Variants in PDE4D observed in about 807,000 individuals in gnomAD.
PDE4D encodes the protein phosphodiesterase 4D, also known as 3',5'-cyclic-AMP phosphodiesterase 4D.
PDE4D carries 24 observed loss-of-function variants against 87.4 expected under a neutral mutation model. The ratio of observed to expected loss-of-function variants is 0.27; its 90% CI spans 0.20 to 0.39. The LOEUF is 0.39. PDE4D is among the 10% of genes least tolerant of loss of function. The pLI, the probability that PDE4D is intolerant of heterozygous loss-of-function variation, is 1.00. For missense variants in PDE4D, 714 were observed against 1,041.0 expected (o/e 0.69, Z 4.32); for synonymous variants, 384 against 383.2 (o/e 1.00, Z -0.02).
intron 1 of PDE4D, among the ~76,000 whole-genome samples, chr5:59,478,136 G>A (rs1803638421): frequency 6.6e-6 from 1 of 151,886 alleles, no homozygotes; most frequent in East Asian, 1.9e-4. Flanking sequence ...CCAAATCTCA[G>A]CATCATACAA....
intron 1 of PDE4D, among the ~76,000 whole-genome samples, chr5:59,796,578 C>T (rs1766503247): frequency 1.3e-5 from 2 of 152,202 alleles, no homozygotes. Context: ...CACACAGTGA[C>T]TATTAACTGG....
intron 1 of PDE4D, among the ~76,000 whole-genome samples, chr5:60,277,439 G>A (rs1751486310): frequency 6.6e-6 from 1 of 152,090 alleles, no homozygotes; most frequent in South Asian, 2.1e-4. Flanking sequence ...ACCAGCATTT[G>A]CATTTCTTTA....
At chr5:60,509,753 C>T (rs1228808297) in intron 1 of PDE4D, among the ~76,000 whole-genome samples, 1 of 152,146 alleles carries the variant, frequency 6.6e-6, no homozygotes, top group African/African-American at 2.4e-5. Context: ...CCTGCTCCAC[C>T]CCTTTCTTTT....
chr5:59,326,227 C>A (rs1581969015), intron 1 of PDE4D, among the ~76,000 whole-genome samples: 1 of 151,698 alleles, frequency 6.6e-6, no homozygotes, highest in African/African-American at 2.4e-5. Flanking sequence ...TGTAACAAAC[C>A]TGCACGTTGT....
chr5:59,213,548 G>A (rs1226580919), intron 2 of PDE4D, among the ~76,000 whole-genome samples: 1 of 152,032 alleles, frequency 6.6e-6, no homozygotes, highest in East Asian at 1.9e-4. Context: ...CCTTCCCTCA[G>A]CTCAAGTAAC....
intron 1 of PDE4D, among the ~76,000 whole-genome samples, chr5:60,313,653 A>G (rs1193169970): frequency 6.6e-6 from 1 of 152,224 alleles, no homozygotes; most frequent in Admixed American, 6.5e-5. Flanking sequence ...TCAGGCCAAT[A>G]TCCTTGATGA....
At chr5:60,277,394 G>A (rs1329164263) in intron 1 of PDE4D, among the ~76,000 whole-genome samples, 2 of 152,172 alleles carry the variant, frequency 1.3e-5, no homozygotes, top group East Asian at 3.9e-4. Flanking sequence ...ATTAATAAAT[G>A]AATTCAGTAA....
At chr5:59,030,422 CA>C (rs373275661) in intron 6 of PDE4D, among the ~76,000 whole-genome samples, 681 of 58,282 alleles carry the variant, frequency 0.012, 1 homozygote, top group African/African-American at 0.038. Context: ...AACAGAGATA[CA>C]AAAAAAAAAA....
intron 1 of PDE4D, among the ~76,000 whole-genome samples, chr5:60,365,871 C>G (rs563626140): frequency 6.6e-6 from 1 of 151,950 alleles, no homozygotes; most frequent in Non-Finnish European, 1.5e-5. Flanking sequence ...TGGTGAAACC[C>G]CATCTCTACT....
At chr5:59,585,995 T>C (rs1371792911) in intron 1 of PDE4D, among the ~76,000 whole-genome samples, 1 of 152,174 alleles carries the variant, frequency 6.6e-6, no homozygotes, top group African/African-American at 2.4e-5. Context: ...CAAATAAAAA[T>C]AGCAAAACAA....
chr5:59,079,388 T>C (rs1766272603), intron 5 of PDE4D, among the ~76,000 whole-genome samples: 1 of 152,112 alleles, frequency 6.6e-6, no homozygotes, highest in South Asian at 2.1e-4. Flanking sequence ...GTAGCCACTG[T>C]AAAAAAATGT....
At chr5:59,921,064 T>C (rs945678994) in intron 3 of PDE4D, among the ~76,000 whole-genome samples, 13 of 152,202 alleles carry the variant, frequency 8.5e-5, no homozygotes, top group Admixed American at 3.3e-4. Flanking sequence ...AGTACGGTAA[T>C]GGGTGTATAA....
At chr5:59,380,788 C>T (rs2702364) in intron 1 of PDE4D, among the ~76,000 whole-genome samples, 73,263 of 148,658 alleles carry the variant, frequency 0.49, 18,468 homozygotes, top group African/African-American at 0.62. Flanking sequence ...TCCAAAATCT[C>T]TAAAGTTTAC....
At chr5:60,109,185 C>CA (rs1562105478) in intron 2 of PDE4D, among the ~76,000 whole-genome samples, 1 of 152,090 alleles carries the variant, frequency 6.6e-6, no homozygotes, top group African/African-American at 2.4e-5. Flanking sequence ...ACAACCCCAT[C>CA]AAAAAGTGGG....
rs185578794 is a variant in PDE4D, at chr5:60,443,640, C to T, written c.-90+44302G>A. ...ACAGTGGGTGACACCACAGGTAATG[C>T]GATAAAGAATCCAAGAAGTAAACAA... On this transcript the variant is annotated intron_variant, in intron 1 of 16. Transcript: ENST00000502484. 1.8e-3 allele frequency among the ~76,000 whole-genome samples: 281 copies of T among 152,106 alleles called. 1 individual carries two copies. Among genetic ancestry groups the T allele is most frequent in the African/African-American group, 6.5e-3 (270 of 41,500 alleles).
intron 2 of PDE4D, chr5:60,147,732 T>A: frequency 2.2e-6 from 1 of 454,666 alleles, no homozygotes; most frequent in South Asian, 1.6e-5. Context: ...AGAGAAGCAC[T>A]TCTCGAGTCA....
At chr5:60,441,047 G>A in intron 1 of PDE4D, among the ~76,000 whole-genome samples, 1 of 152,030 alleles carries the variant, frequency 6.6e-6, no homozygotes, top group Non-Finnish European at 1.5e-5. Flanking sequence ...TATTCTGGTT[G>A]CGATGTAAAG....
At chr5:59,368,918 C>A (rs1783515965) in intron 1 of PDE4D, among the ~76,000 whole-genome samples, 1 of 152,170 alleles carries the variant, frequency 6.6e-6, no homozygotes, top group South Asian at 2.1e-4. Flanking sequence ...TAGCACAAAT[C>A]ATAATTAAAA....
chr5:60,008,270 GCA>G (rs1436020473), intron 2 of PDE4D, among the ~76,000 whole-genome samples: 6 of 151,790 alleles, frequency 4.0e-5, no homozygotes, highest in Non-Finnish European at 5.9e-5. Flanking sequence ...ATTGCTATAG[GCA>G]CCAGAAATTT....
Sources: allele counts gnomAD v4.1 joint callset (sites outside exome capture counted in the v4.1 genomes callset), GRCh38; gene constraint gnomAD v4.1.1; transcripts MANE v1.5; gene names NCBI Gene and HGNC (gene_info 2026-07-23, HGNC 2026-07-21).